The following SPATA13 variants were observed in gnomAD, a reference collection of about 807,000 sequenced individuals.
SPATA13 encodes the protein spermatogenesis-associated protein 13.
In SPATA13, 50 loss-of-function variants were observed where a neutral mutation model predicts 104.0. The observed-to-expected ratio is 0.48, with a 90% CI of 0.38 to 0.61. The LOEUF is 0.61. Among genes scored for constraint, SPATA13 ranks in the 20% least tolerant of loss-of-function variants. The pLI is 0.00. For missense variants in SPATA13, 1,524 were observed against 1,690.6 expected, an observed-to-expected ratio of 0.90 and a Z score of 1.73; for synonymous variants, 606 against 667.5, an observed-to-expected ratio of 0.91 and a Z score of 1.42.
intron 4 of SPATA13, among the ~76,000 whole-genome samples, chr13:24,259,819 T>A (rs1873970644): frequency 6.6e-6 from 1 of 152,100 alleles, no homozygotes; most frequent in African/African-American, 2.4e-5. Context: ...ATTATTATTA[T>A]TTTAGATTTT....
intron 9 of SPATA13, among the ~76,000 whole-genome samples, chr13:24,292,722 G>A (rs1452006087): frequency 1.3e-5 from 2 of 152,048 alleles, no homozygotes; most frequent in Non-Finnish European, 2.9e-5. Flanking sequence ...TTCTGGCCGG[G>A]CGCCATGGCT....
chr13:24,065,457 C>T (rs1291808360), intron 3 of SPATA13, among the ~76,000 whole-genome samples: 4 of 152,162 alleles, frequency 2.6e-5, no homozygotes, highest in African/African-American at 9.7e-5. Context: ...GGAAATACAG[C>T]CACCTGTAGC....
intron 3 of SPATA13, among the ~76,000 whole-genome samples, chr13:24,027,134 G>GTTTTTTT (rs59906180): frequency 3.6e-5 from 4 of 112,090 alleles, no homozygotes; most frequent in Non-Finnish European, 5.1e-5. Flanking sequence ...TTGTTTAGCC[G>GTTTTTTT]TTTTTTTTTT....
chr13:24,132,451 G>C (rs1881417188), intron 3 of SPATA13, among the ~76,000 whole-genome samples: 1 of 152,220 alleles, frequency 6.6e-6, no homozygotes, highest in Non-Finnish European at 1.5e-5. Flanking sequence ...TGTCCTGGCT[G>C]TCCTTATTTA....
intron 3 of SPATA13, among the ~76,000 whole-genome samples, chr13:24,139,492 T>C (rs1286215122): frequency 1.3e-5 from 2 of 152,216 alleles, no homozygotes; most frequent in Non-Finnish European, 2.9e-5. Flanking sequence ...ACTGGTACAA[T>C]TGCAGAGGAG....
intron 2 of SPATA13, among the ~76,000 whole-genome samples, chr13:23,999,542 A>G (rs950261590): frequency 6.6e-6 from 1 of 152,090 alleles, no homozygotes; most frequent in African/African-American, 2.4e-5. Flanking sequence ...AAGTGTACAG[A>G]CCTTGACCTT....
In SPATA13 at chr13:24,205,261, A is replaced by G. The variant is rs922141897; in HGVS notation, c.-111-17558A>G. 6.6e-5 allele frequency among the ~76,000 whole-genome samples: 10 copies of G among 152,214 alleles called. No homozygotes were observed. The highest frequency in any genetic ancestry group is 2.4e-4 in the African/African-American group (10 of 41,446). On this transcript the variant is annotated intron_variant, in intron 1 of 12. Coordinates refer to ENST00000382108, the MANE Select transcript of SPATA13 (RefSeq NM_001166271.3). This position sits in a 1 kb window ranked among gnomAD's most constrained non-coding sequence, Gnocchi z 4.1. ...CAGCAAATTCTCAGAATACAAAACC[A>G]ATGTGCAAAATTGCTAGCATTCCTG...
intron 3 of SPATA13, among the ~76,000 whole-genome samples, chr13:24,083,868 C>T (rs1048533642): frequency 6.6e-6 from 1 of 152,140 alleles, no homozygotes; most frequent in African/African-American, 2.4e-5. Flanking sequence ...GGGAAAAAAC[C>T]CCCGTCTGGA....
intron 2 of SPATA13, among the ~76,000 whole-genome samples, chr13:23,993,038 T>A (rs143569532): frequency 9.8e-4 from 150 of 152,322 alleles, no homozygotes; most frequent in African/African-American, 3.5e-3. Context: ...GTGCCTGGGC[T>A]CGGTCCAGGC....
At chr13:24,094,008 G>A (rs1162945511) in intron 3 of SPATA13, among the ~76,000 whole-genome samples, 1 of 152,220 alleles carries the variant, frequency 6.6e-6, no homozygotes, top group Non-Finnish European at 1.5e-5. Flanking sequence ...AAGAATGGAT[G>A]TAAACAGTAG....
rs1882771550 is a variant in SPATA13 at position 24,167,173 on chromosome 13, A to G, written c.-112+6241A>G. 2.0e-5 allele frequency among the ~76,000 whole-genome samples: 3 copies of G among 152,150 alleles called. No homozygotes were observed. The South Asian group carries it at 6.2e-4, about 32-fold the overall frequency. The stretch of plus-strand genomic sequence containing the variant: ...GATTCCATGAATTGATCCTTGTAAA[A>G]TGCCAGAGTGTCCTGGCCATCACGC... On this transcript the variant is annotated intron_variant, in intron 1 of 12. Transcript: ENST00000382108.
At chr13:24,299,520 G>A (rs1335847681) in intron 11 of SPATA13, among the ~76,000 whole-genome samples, 2 of 152,218 alleles carry the variant, frequency 1.3e-5, no homozygotes, top group Non-Finnish European at 2.9e-5. Context: ...CAGCCCGGTG[G>A]CCAGCGTACA....
chr13:24,040,004 G>A (rs2137727345), intron 3 of SPATA13, among the ~76,000 whole-genome samples: 1 of 152,326 alleles, frequency 6.6e-6, no homozygotes, highest in Admixed American at 6.5e-5. Context: ...AAGGAAGACT[G>A]AAGCCGGGCA....
At chr13:24,206,981 A>G (rs1286724591) in intron 1 of SPATA13, among the ~76,000 whole-genome samples, 1 of 152,232 alleles carries the variant, frequency 6.6e-6, no homozygotes, top group African/African-American at 2.4e-5. Flanking sequence ...AATGCTCATC[A>G]GTAATAGACT....
intron 2 of SPATA13, among the ~76,000 whole-genome samples, chr13:24,231,745 C>T (rs1872288367): frequency 6.6e-6 from 1 of 152,218 alleles, no homozygotes; most frequent in African/African-American, 2.4e-5. Flanking sequence ...TCCAATTTCT[C>T]CTCATCCTTG....
rs150474130 is a variant in SPATA13 at position 24,290,877 on chromosome 13, G to A, written c.3073G>A (p.Glu1025Lys). 1.2e-6 allele frequency: 2 copies of A among 1,613,734 alleles called. No homozygotes were observed. Among genetic ancestry groups the A allele is most frequent in the South Asian group, 1.1e-5 (1 of 91,010 alleles). The change falls in exon 9 of 13, where the codon GAA becomes AAA. Residue 1025 changes from glutamate (E) to lysine (K), a missense_variant. By Grantham distance (56) the Glu-to-Lys change is moderately conservative (BLOSUM62 1). This residue lies in a region of SPATA13 where 435 missense variants were observed against 554.8 expected (regional missense o/e 0.78). Transcript: ENST00000382108. ...CGAGCTGCTCAAGTATACCACACAG[G>A]AACACGGGTGAGGGGCATGGGTAAG... Reference protein sequence around the residue: ...LAELLKYTTQEHGDYSNIKAA... With the variant: ...LAELLKYTTQKHGDYSNIKAA...
chr13:24,019,298 C>T (rs1004236783), intron 3 of SPATA13, among the ~76,000 whole-genome samples: 1 of 151,708 alleles, frequency 6.6e-6, no homozygotes, highest in Admixed American at 6.6e-5. Context: ...CCGTTTTAGC[C>T]GGGATGGTCT....
At chr13:24,036,023 A>G (rs1413903345) in intron 3 of SPATA13, among the ~76,000 whole-genome samples, 3 of 151,554 alleles carry the variant, frequency 2.0e-5, no homozygotes, top group Non-Finnish European at 4.4e-5. Flanking sequence ...CAAAAAAAAA[A>G]AAAAAAAAAA....
intron 4 of SPATA13, among the ~76,000 whole-genome samples, chr13:24,280,962 A>C (rs1179607829): frequency 6.6e-6 from 1 of 152,176 alleles, no homozygotes; most frequent in Non-Finnish European, 1.5e-5. Flanking sequence ...CGTGTTTCTC[A>C]GACAGCACAT....
Sources: allele counts gnomAD v4.1 joint callset (sites outside exome capture counted in the v4.1 genomes callset), GRCh38; gene constraint gnomAD v4.1.1; regional missense constraint gnomAD v4.1.1; non-coding constraint Gnocchi (gnomAD v3.1); transcripts MANE v1.5; gene names NCBI Gene and HGNC (gene_info 2026-07-23, HGNC 2026-07-21).